MAF: variants seen among roughly 807,000 people sequenced by gnomAD.
The protein encoded by MAF is MAF bZIP transcription factor, also known as transcription factor Maf.
Under a neutral mutation model 22.0 loss-of-function variants are expected in MAF, and 10 were observed. That is an observed-to-expected ratio of 0.45 (90% CI 0.28 to 0.77). The LOEUF (loss-of-function observed/expected upper bound fraction) is 0.77, where lower values mean the gene tolerates loss of function less well. Ranked by LOEUF, MAF falls within the 30% of genes least tolerant of loss-of-function variation. The pLI, the probability that MAF is intolerant of heterozygous loss-of-function variation, is 0.12. For synonymous variants in MAF, 337 were observed against 255.8 expected (o/e 1.32, Z -3.03); for missense variants, 544 against 548.4 (o/e 0.99, Z 0.08).
chr16:79,211,727 G>T, the MAF span: 2 of 1,614,248 alleles, frequency 1.2e-6, no homozygotes, highest in Non-Finnish European at 1.7e-6. Context: ...AGAGCGAAGA[G>T]ACGGCCCGGA....
chr16:79,462,625 A>G, the MAF span, among the ~76,000 whole-genome samples: 1 of 152,222 alleles, frequency 6.6e-6, no homozygotes, highest in African/African-American at 2.4e-5. Context: ...ATACATGTTC[A>G]CACACATGTA....
chr16:79,387,191 C>A, the MAF span, among the ~76,000 whole-genome samples: 4 of 152,192 alleles, frequency 2.6e-5, no homozygotes, highest in African/African-American at 9.7e-5. Context: ...CTTTTCTATG[C>A]CTTACTGAAC....
the MAF span, among the ~76,000 whole-genome samples, chr16:79,235,056 C>G: frequency 6.6e-6 from 1 of 152,114 alleles, no homozygotes; most frequent in African/African-American, 2.4e-5. Flanking sequence ...AGCTGACCCT[C>G]AGCTTACAGA....
the MAF span, among the ~76,000 whole-genome samples, chr16:79,231,727 T>C: frequency 6.6e-6 from 1 of 152,024 alleles, no homozygotes; most frequent in Non-Finnish European, 1.5e-5. Flanking sequence ...CGGAAGACAG[T>C]TTTTCTGTGG....
the MAF span, among the ~76,000 whole-genome samples, chr16:79,380,712 C>A: frequency 6.6e-6 from 1 of 152,184 alleles, no homozygotes; most frequent in East Asian, 1.9e-4. Context: ...GGCATTAGCT[C>A]TGTTATACAG....
At chr16:79,247,605 C>T in the MAF span, among the ~76,000 whole-genome samples, 27 of 152,132 alleles carry the variant, frequency 1.8e-4, no homozygotes, top group African/African-American at 4.8e-4. Flanking sequence ...ACCTCTTCCC[C>T]GCTGGAAGTA....
chr16:79,430,425 T>G, the MAF span, among the ~76,000 whole-genome samples: 1 of 152,124 alleles, frequency 6.6e-6, no homozygotes, highest in Non-Finnish European at 1.5e-5. Flanking sequence ...CTGGAAATTT[T>G]CTCCAAAAGA....
At chr16:79,424,690 GT>G in the MAF span, among the ~76,000 whole-genome samples, 1 of 152,186 alleles carries the variant, frequency 6.6e-6, no homozygotes, top group Non-Finnish European at 1.5e-5. Context: ...CAGGAGTGCT[GT>G]GAGACTGTTG....
At chr16:79,318,460 T>C in the MAF span, among the ~76,000 whole-genome samples, 5 of 152,118 alleles carry the variant, frequency 3.3e-5, no homozygotes, top group African/African-American at 1.2e-4. Flanking sequence ...TGCAAACATG[T>C]GACAGCCACA....
At chr16:79,582,825 C>T (rs1023553218), downstream of MAF, among the ~76,000 whole-genome samples, 3 of 152,218 alleles carry the variant, frequency 2.0e-5, no homozygotes, top group African/African-American at 7.2e-5. Context: ...AGAGCATTCT[C>T]CTTCCCTTCT....
chr16:79,458,676 G>A, the MAF span, among the ~76,000 whole-genome samples: 1 of 152,162 alleles, frequency 6.6e-6, no homozygotes, highest in African/African-American at 2.4e-5. Context: ...GGTAATAATG[G>A]TAAAAATAAT....
chr16:79,579,598 T>A, the MAF span, among the ~76,000 whole-genome samples: 1 of 152,024 alleles, frequency 6.6e-6, no homozygotes, highest in Non-Finnish European at 1.5e-5. Context: ...AAAGAAACAA[T>A]AAAAGGAACC....
the MAF span, among the ~76,000 whole-genome samples, chr16:79,370,742 T>C: frequency 6.6e-6 from 1 of 152,180 alleles, no homozygotes; most frequent in African/African-American, 2.4e-5. Context: ...TCTCTGTTGT[T>C]ACCTGCTCAT....
the MAF span, among the ~76,000 whole-genome samples, chr16:79,232,352 T>G: frequency 2.3e-3 from 351 of 152,234 alleles, 2 homozygotes; most frequent in African/African-American, 7.6e-3. Context: ...ACTTTTGTAC[T>G]TTACAAAATT....
chr16:79,307,327 G>A, the MAF span, among the ~76,000 whole-genome samples: 1 of 152,222 alleles, frequency 6.6e-6, no homozygotes, highest in South Asian at 2.1e-4. Context: ...GGAAGGAAGG[G>A]CTTTGAGGTC....
At chr16:79,573,406 G>T in the MAF span, among the ~76,000 whole-genome samples, 3 of 152,104 alleles carry the variant, frequency 2.0e-5, no homozygotes, top group Admixed American at 1.3e-4. Flanking sequence ...TTTTATGCAT[G>T]GTGTTTACAA....
the MAF span, among the ~76,000 whole-genome samples, chr16:79,563,514 A>AG: frequency 3.3e-5 from 5 of 152,242 alleles, no homozygotes; most frequent in Non-Finnish European, 5.9e-5. Context: ...ACCAAAAAAA[A>AG]AAAAAGATTT....
the MAF span, among the ~76,000 whole-genome samples, chr16:79,491,657 A>C: frequency 6.6e-6 from 1 of 152,184 alleles, no homozygotes; most frequent in Admixed American, 6.5e-5. Context: ...CATGTAACAA[A>C]ATAAAAAATA....
the MAF span, among the ~76,000 whole-genome samples, chr16:79,350,171 C>G: frequency 6.6e-6 from 1 of 152,176 alleles, no homozygotes; most frequent in Non-Finnish European, 1.5e-5. Flanking sequence ...CTCTGTCTCT[C>G]CAAATGAGGA....
Sources: gnomAD v4.1 joint callset for allele counts (sites outside exome capture counted in the v4.1 genomes callset) on GRCh38, gnomAD v4.1.1 for gene constraint, MANE v1.5 for transcripts, NCBI Gene and HGNC (gene_info 2026-07-23, HGNC 2026-07-21) for gene names.